FRMPD4: variants seen among roughly 807,000 people sequenced by gnomAD.
The protein encoded by FRMPD4 is FERM and PDZ domain containing 4, also known as FERM and PDZ domain-containing protein 4.
A neutral mutation model predicts 94.1 loss-of-function variants in FRMPD4; 22 were observed. The ratio of observed to expected loss-of-function variants is 0.23; its 90% CI spans 0.17 to 0.33. FRMPD4 has a LOEUF of 0.33. Among genes scored for constraint, FRMPD4 ranks in the 10% least tolerant of loss-of-function variants. The pLI is 1.00. For missense variants in FRMPD4, 1,111 were observed against 1,339.9 expected, an observed-to-expected ratio of 0.83 and a Z score of 2.67; for synonymous variants, 631 against 548.6, an observed-to-expected ratio of 1.15 and a Z score of -2.10.
chrX:12,613,507 A>C (rs758138419), intron 3 of FRMPD4, among the ~76,000 whole-genome samples: 104 of 112,675 alleles, frequency 9.2e-4, no homozygotes, highest in African/African-American at 3.2e-3. Context: ...TGCATAATAA[A>C]TGCTGAACAA....
At chrX:12,206,776 C>T (rs1340658756) in intron 1 of FRMPD4, among the ~76,000 whole-genome samples, 2 of 112,134 alleles carry the variant, frequency 1.8e-5, no homozygotes, top group East Asian at 5.6e-4. Flanking sequence ...GGTGCATTGA[C>T]TCCAACCCTG....
intron 1 of FRMPD4, among the ~76,000 whole-genome samples, chrX:12,438,967 TACTA>T (rs1157250068): frequency 9.0e-6 from 1 of 111,280 alleles, no homozygotes. Context: ...CGAGCAGAGG[TACTA>T]ACTGCCTTTC....
At chrX:12,389,319 C>T (rs141774945) in intron 1 of FRMPD4, among the ~76,000 whole-genome samples, 46 of 109,281 alleles carry the variant, frequency 4.2e-4, no homozygotes, top group African/African-American at 1.5e-3. Context: ...ACTACAAATA[C>T]GAAAAATTAG....
At chrX:12,394,301 G>A (rs1448419893) in intron 1 of FRMPD4, among the ~76,000 whole-genome samples, 1 of 111,468 alleles carries the variant, frequency 9.0e-6, no homozygotes, top group East Asian at 2.8e-4. Context: ...ATGGTGAAAT[G>A]AAGGAATTGA....
At chrX:11,846,327 C>T (rs7472884) in intron 1 of FRMPD4, among the ~76,000 whole-genome samples, 17,498 of 100,235 alleles carry the variant, frequency 0.17, 650 homozygotes, top group Middle Eastern at 0.23. Context: ...TTACAAGGGA[C>T]GTGAAGGACC....
chrX:12,491,936 G>T (rs1180851734), intron 1 of FRMPD4, among the ~76,000 whole-genome samples: 1 of 111,630 alleles, frequency 9.0e-6, no homozygotes, highest in African/African-American at 3.3e-5. Flanking sequence ...ACCTGTTGAC[G>T]GTTCTCACAT....
At chrX:12,109,949 G>T in intron 3 of FRMPD4, among the ~76,000 whole-genome samples, 1 of 111,603 alleles carries the variant, frequency 9.0e-6, no homozygotes, top group Non-Finnish European at 1.9e-5. Context: ...ACCAAAAAAA[G>T]TCCAGGACCA....
chrX:11,849,046 A>G (rs1320457099), intron 1 of FRMPD4, among the ~76,000 whole-genome samples: 1 of 111,647 alleles, frequency 9.0e-6, no homozygotes, highest in Non-Finnish European at 1.9e-5. Flanking sequence ...ATGATCTTAC[A>G]TGTAGAAAAC....
chrX:12,609,961 A>C, intron 3 of FRMPD4, 80 bp downstream of exon 3: 1 of 941,075 alleles, frequency 1.1e-6, no homozygotes, highest in Non-Finnish European at 1.5e-6. Flanking sequence ...CAGTTTCATA[A>C]GTGTCCAGGC....
chrX:12,291,004 T>G (rs2054678631), intron 1 of FRMPD4, among the ~76,000 whole-genome samples: 1 of 32,680 alleles, frequency 3.1e-5, no homozygotes, highest in Admixed American at 4.5e-4. Flanking sequence ...TCTTGTGACT[T>G]TAATGTTCAC....
intron 1 of FRMPD4, among the ~76,000 whole-genome samples, chrX:12,366,749 A>G (rs747032386): frequency 1.2e-4 from 13 of 111,966 alleles, no homozygotes; most frequent in Non-Finnish European, 2.4e-4. Flanking sequence ...ACACACGGCC[A>G]AGTGGCATGT....
At chrX:12,529,136 G>C (rs1272768585) in intron 2 of FRMPD4, among the ~76,000 whole-genome samples, 1 of 112,275 alleles carries the variant, frequency 8.9e-6, no homozygotes, top group Non-Finnish European at 1.9e-5. Context: ...AATCTCATTT[G>C]AAAGTTAGAT....
intron 3 of FRMPD4, among the ~76,000 whole-genome samples, chrX:12,090,184 G>C (rs764022154): frequency 2.6e-4 from 29 of 110,843 alleles, no homozygotes; most frequent in African/African-American, 9.5e-4. Flanking sequence ...GAATCTTGGG[G>C]GTGGATTTCT....
intron 1 of FRMPD4, among the ~76,000 whole-genome samples, chrX:12,236,737 G>A (rs958969501): frequency 1.5e-4 from 17 of 111,906 alleles, no homozygotes; most frequent in Admixed American, 1.2e-3. Flanking sequence ...TCTTGTTCGT[G>A]ACTTAGGAAA....
At chrX:12,081,824 C>A (rs2147484307) in intron 3 of FRMPD4, among the ~76,000 whole-genome samples, 1 of 111,581 alleles carries the variant, frequency 9.0e-6, no homozygotes, top group African/African-American at 3.3e-5. Context: ...TTTCCTCATT[C>A]CTATGAAATT....
At chrX:12,208,266 A>T (rs1182294499) in intron 1 of FRMPD4, among the ~76,000 whole-genome samples, 1 of 110,960 alleles carries the variant, frequency 9.0e-6, no homozygotes, top group Non-Finnish European at 1.9e-5. Context: ...AATATAACCT[A>T]TAATCAAGTA....
Position 12,721,164 on chromosome X carries a change from A to T in FRMPD4, c.4595A>T (p.Tyr1532Phe). 1.3e-6 allele frequency: 1 copy of T among 755,727 alleles called. No homozygotes were observed. The highest frequency in any genetic ancestry group is 1.6e-6 in the Non-Finnish European group (1 of 638,979). The allele number at this position is 755,727 out of a possible 1,213,427, so 62.3% of individuals were successfully genotyped here. A position where few individuals can be genotyped will look rare whatever the true frequency, so the allele number is the denominator to read the frequency against. The part of the protein sequence containing the change: ...GEATVQVSCL[Y>F]RPQMTQAMPE... The stretch of plus-strand genomic sequence containing the variant: ...GCCACCGTCCAGGTCTCTTGCCTCT[A>T]TAGACCACAGATGACTCAAGCCATG... The change falls in exon 17 of 17, where the codon TAT becomes TTT. Residue 1532 changes from tyrosine to phenylalanine, a missense_variant. By Grantham distance (22) the Tyr-to-Phe change is conservative (BLOSUM62 3). This residue lies in a region of FRMPD4 where 551 missense variants were observed against 591.6 expected (regional missense o/e 0.93). Transcript: ENST00000675598.
At chrX:12,650,018 G>A (rs2059582745) in intron 4 of FRMPD4, among the ~76,000 whole-genome samples, 1 of 112,904 alleles carries the variant, frequency 8.9e-6, no homozygotes, top group African/African-American at 3.2e-5. Context: ...ACACCAGTAG[G>A]CCTGGAGGCA....
At chrX:11,919,246 T>G (rs4593744) in intron 3 of FRMPD4, among the ~76,000 whole-genome samples, 33,672 of 111,647 alleles carry the variant, frequency 0.3, 4,282 homozygotes, top group East Asian at 0.69. Context: ...AAAATATATC[T>G]CAGCATTGTC....
Sources: allele counts gnomAD v4.1 joint callset (sites outside exome capture counted in the v4.1 genomes callset), GRCh38; gene constraint gnomAD v4.1.1; regional missense constraint gnomAD v4.1.1; transcripts MANE v1.5; gene names NCBI Gene and HGNC (gene_info 2026-07-23, HGNC 2026-07-21).